Variants in COL25A1 observed in about 807,000 individuals in gnomAD.
COL25A1 encodes the protein collagen alpha-1(XXV) chain.
In COL25A1, 103 loss-of-function variants were observed where a neutral mutation model predicts 128.4. That is an observed-to-expected ratio of 0.80 (90% CI 0.68 to 0.94). The LOEUF is 0.94. COL25A1 is among the 40% of genes least tolerant of loss of function. The probability of loss-of-function intolerance (pLI) is 0.00; values close to 1 mark genes in which losing one functional copy is unlikely to be tolerated. For missense variants in COL25A1, 745 were observed against 840.0 expected (o/e 0.89, Z 1.40); for synonymous variants, 279 against 277.2 (o/e 1.01, Z -0.06).
At chr4:109,060,781 C>T (rs1057206213) in intron 3 of COL25A1, among the ~76,000 whole-genome samples, 11 of 151,882 alleles carry the variant, frequency 7.2e-5, no homozygotes, top group East Asian at 1.9e-4. Context: ...TTCATTCGCC[C>T]GAGCTTAAAA....
At chr4:108,946,429 T>C (rs1298632900) in intron 8 of COL25A1, among the ~76,000 whole-genome samples, 3 of 152,258 alleles carry the variant, frequency 2.0e-5, no homozygotes, top group Non-Finnish European at 4.4e-5. Flanking sequence ...GGTCTTCTGA[T>C]TCTAAACTTT....
intron 3 of COL25A1, among the ~76,000 whole-genome samples, chr4:109,240,548 G>A (rs1424520230): frequency 1.3e-5 from 2 of 151,996 alleles, no homozygotes; most frequent in African/African-American, 4.8e-5. Context: ...CAACTCAGAT[G>A]CACCTCCAGC....
At chr4:109,201,034 C>T (rs2126181078) in intron 3 of COL25A1, among the ~76,000 whole-genome samples, 1 of 152,238 alleles carries the variant, frequency 6.6e-6, no homozygotes, top group East Asian at 1.9e-4. Context: ...TATTTCCCTC[C>T]TGTCCTTTCT....
In COL25A1 at chr4:108,961,549, G is replaced by A. The variant is rs115262404; in HGVS notation, c.492+12818C>T. On this transcript the variant is annotated intron_variant, in intron 8 of 37. Transcript: ENST00000399132. ...ACAGCATATGCAACTTCAAACTAAG[G>A]CACATCTCAGAAGGTTCTCCTGTTC... 2.8e-3 allele frequency among the ~76,000 whole-genome samples: 330 copies of A among 117,492 alleles called. 2 individuals are homozygous for A. Among genetic ancestry groups the A allele is most frequent in the African/African-American group, 9.9e-3 (316 of 31,842 alleles). 77.1% of individuals were successfully genotyped at this position (117,492 alleles called of 152,430 possible).
At chr4:109,268,753 C>G (rs919225287) in intron 3 of COL25A1, among the ~76,000 whole-genome samples, 1 of 152,142 alleles carries the variant, frequency 6.6e-6, no homozygotes, top group African/African-American at 2.4e-5. Flanking sequence ...CACAGCAAAG[C>G]TAGCCCCAAC....
chr4:109,195,596 G>A lies in COL25A1; in HGVS notation c.367+104987C>T, dbSNP rs539728921. 1.7e-3 allele frequency among the ~76,000 whole-genome samples: 252 copies of A among 152,192 alleles called. 1 individual carries two copies. The highest frequency in any genetic ancestry group is 5.7e-3 in the African/African-American group (235 of 41,538). ...CAAATGGGAGAACCAAGTTGAACAT[G>A]AGTCAACTTCTCATTACTAGACTCA... is the stretch of plus-strand genomic sequence containing the variant. On this transcript the variant is annotated intron_variant, in intron 3 of 37. Transcript: ENST00000399132.
At chr4:109,009,853 CA>C (rs1434428741) in intron 6 of COL25A1, among the ~76,000 whole-genome samples, 4 of 152,076 alleles carry the variant, frequency 2.6e-5, no homozygotes, top group African/African-American at 9.7e-5. Flanking sequence ...AATATGGGCT[CA>C]ATAAGATTTT....
At chr4:108,913,965 T>C (rs968729090) in intron 13 of COL25A1, among the ~76,000 whole-genome samples, 1 of 152,192 alleles carries the variant, frequency 6.6e-6, no homozygotes, top group Non-Finnish European at 1.5e-5. Flanking sequence ...GAATAAATTA[T>C]GGAGGGCAAA....
At chr4:109,249,450 G>A (rs1780503460) in intron 3 of COL25A1, among the ~76,000 whole-genome samples, 1 of 142,212 alleles carries the variant, frequency 7.0e-6, no homozygotes, top group South Asian at 2.6e-4. Flanking sequence ...GGGTGGGGAG[G>A]GAATCGTCTT....
intron 8 of COL25A1, among the ~76,000 whole-genome samples, chr4:108,948,003 T>C (rs989869821): frequency 6.6e-6 from 1 of 152,208 alleles, no homozygotes; most frequent in Non-Finnish European, 1.5e-5. Context: ...AAATACATCA[T>C]GCATTACAAC....
At chr4:109,237,814 C>A (rs1779574194) in intron 3 of COL25A1, among the ~76,000 whole-genome samples, 2 of 151,982 alleles carry the variant, frequency 1.3e-5, no homozygotes, top group South Asian at 4.2e-4. Context: ...GCCCATTAAA[C>A]AATAACTGCC....
intron 6 of COL25A1, among the ~76,000 whole-genome samples, chr4:108,991,531 A>G (rs1398771636): frequency 6.6e-6 from 1 of 152,206 alleles, no homozygotes; most frequent in Non-Finnish European, 1.5e-5. Context: ...TTATAATGCA[A>G]CCACCACATA....
intron 11 of COL25A1, among the ~76,000 whole-genome samples, chr4:108,929,467 T>A (rs1247152692): frequency 6.6e-6 from 1 of 152,084 alleles, no homozygotes; most frequent in Admixed American, 6.6e-5. Context: ...ATTGTCCTCA[T>A]GAAAATCATC....
At position 109,272,036 on chromosome 4, in the gene COL25A1, C is replaced by T. The variant is rs138673132; in HGVS notation, c.367+28547G>A. On this transcript the variant is annotated intron_variant, in intron 3 of 37. Transcript: ENST00000399132. Reference sequence around the variant, plus strand: ...GGTGGATCACTTGAGCCTAGGAGTTCGAGACCAGCCTGGGCAACATGAAAC... The same window carrying T: ...GGTGGATCACTTGAGCCTAGGAGTTTGAGACCAGCCTGGGCAACATGAAAC... 5.8e-4 allele frequency among the ~76,000 whole-genome samples: 88 copies of T among 151,932 alleles called. No individual in the cohort carries two copies. In the East Asian group the frequency reaches 0.012, roughly 21 times the overall value.
At chr4:108,944,836 G>A (rs1748538439) in intron 8 of COL25A1, among the ~76,000 whole-genome samples, 3 of 152,148 alleles carry the variant, frequency 2.0e-5, no homozygotes, top group African/African-American at 7.2e-5. Context: ...TGAGGAAGCT[G>A]ATTTATATTC....
intron 3 of COL25A1, among the ~76,000 whole-genome samples, chr4:109,087,141 A>G (rs1285314674): frequency 6.6e-6 from 1 of 152,152 alleles, no homozygotes; most frequent in African/African-American, 2.4e-5. Flanking sequence ...AAGATAGGAG[A>G]GAAGCAACAT....
At chr4:108,881,005 A>C (rs1399299698) in intron 19 of COL25A1, among the ~76,000 whole-genome samples, 1 of 152,208 alleles carries the variant, frequency 6.6e-6, no homozygotes, top group East Asian at 1.9e-4. Context: ...ATCAATGTCT[A>C]CATGGTACAT....
chr4:108,897,538 T>C (rs1474687502), intron 15 of COL25A1, among the ~76,000 whole-genome samples: 1 of 152,206 alleles, frequency 6.6e-6, no homozygotes, highest in Non-Finnish European at 1.5e-5. Flanking sequence ...AGATTCTCTT[T>C]GCATCAGGTT....
At chr4:109,267,602 T>C (rs1252542959) in intron 3 of COL25A1, among the ~76,000 whole-genome samples, 1 of 152,168 alleles carries the variant, frequency 6.6e-6, no homozygotes, top group African/African-American at 2.4e-5. Context: ...ATATCTCCTT[T>C]ATGGATAACA....
Sources: allele counts gnomAD v4.1 joint callset (sites outside exome capture counted in the v4.1 genomes callset), GRCh38; gene constraint gnomAD v4.1.1; transcripts MANE v1.5; gene names NCBI Gene and HGNC (gene_info 2026-07-23, HGNC 2026-07-21).